Variants in NFIB observed in about 807,000 individuals in gnomAD.
NFIB encodes nuclear factor I B.
NFIB carries 11 observed loss-of-function variants against 61.5 expected under a neutral mutation model. The ratio of observed to expected loss-of-function variants is 0.18; its 90% CI spans 0.11 to 0.30. NFIB has a LOEUF of 0.30. NFIB is among the 10% of genes least tolerant of loss of function. NFIB has a pLI of 1.00. For missense variants in NFIB, 471 were observed against 608.9 expected, an observed-to-expected ratio of 0.77 and a Z score of 2.38; for synonymous variants, 260 against 216.5, an observed-to-expected ratio of 1.20 and a Z score of -1.76.
chr9:14,219,381 T>TAAAAAGAAAA (rs2051352206), intron 2 of NFIB, among the ~76,000 whole-genome samples: 1 of 73,504 alleles, frequency 1.4e-5, no homozygotes, highest in Non-Finnish European at 2.4e-5. Flanking sequence ...AGCACTAGGG[T>TAAAAAGAAAA]AAAAAAAAAA....
chr9:14,283,386 C>A (rs1372886650), intron 2 of NFIB, among the ~76,000 whole-genome samples: 2 of 152,216 alleles, frequency 1.3e-5, no homozygotes, highest in Non-Finnish European at 2.9e-5. Flanking sequence ...AAAATGCAAG[C>A]ATACTAGTGT....
chr9:14,437,177 C>T, the NFIB span, among the ~76,000 whole-genome samples: 1 of 152,218 alleles, frequency 6.6e-6, no homozygotes, highest in South Asian at 2.1e-4. Flanking sequence ...CTTTATGCCT[C>T]TGACATGCCA....
intron 10 of NFIB, among the ~76,000 whole-genome samples, chr9:14,091,110 T>G (rs1326887401): frequency 1.3e-5 from 2 of 151,970 alleles, no homozygotes; most frequent in African/African-American, 4.8e-5. Flanking sequence ...GTCAATACTG[T>G]TTATGAACCT....
intron 2 of NFIB, among the ~76,000 whole-genome samples, chr9:14,199,392 C>T (rs2048780167): frequency 1.3e-5 from 2 of 152,192 alleles, no homozygotes; most frequent in South Asian, 4.1e-4. Context: ...TGGCAACTCA[C>T]AGCCGGCTAC....
chr9:14,095,326 T>A (rs1436556178), intron 10 of NFIB, among the ~76,000 whole-genome samples: 1 of 152,138 alleles, frequency 6.6e-6, no homozygotes, highest in Non-Finnish European at 1.5e-5. Flanking sequence ...CACACATGCA[T>A]ACATATATAA....
At chr9:14,451,714 C>G in the NFIB span, among the ~76,000 whole-genome samples, 1 of 152,120 alleles carries the variant, frequency 6.6e-6, no homozygotes, top group African/African-American at 2.4e-5. Context: ...GGGCTTTAGT[C>G]TCCCATTTAA....
chr9:14,450,499 A>G, the NFIB span, among the ~76,000 whole-genome samples: 2 of 152,276 alleles, frequency 1.3e-5, no homozygotes, highest in African/African-American at 4.8e-5. Context: ...ATAATAGATA[A>G]TTTCAAAAGA....
At chr9:14,187,832 C>T (rs1266503805) in intron 2 of NFIB, among the ~76,000 whole-genome samples, 1 of 152,070 alleles carries the variant, frequency 6.6e-6, no homozygotes, top group East Asian at 1.9e-4. Flanking sequence ...ATCATTCTAC[C>T]ACAGGGGACT....
At chr9:14,220,852 C>CACACACACACAA (rs1399056017) in intron 2 of NFIB, among the ~76,000 whole-genome samples, 33 of 148,900 alleles carry the variant, frequency 2.2e-4, no homozygotes, top group Admixed American at 2.0e-4. Flanking sequence ...TACACACACA[C>CACACACACACAA]ACACACACAC....
At chr9:14,448,165 CAATT>C in the NFIB span, among the ~76,000 whole-genome samples, 3 of 152,152 alleles carry the variant, frequency 2.0e-5, no homozygotes, top group Non-Finnish European at 4.4e-5. Flanking sequence ...AAGTGACTGT[CAATT>C]AAAGCAAAAT....
intron 2 of NFIB, chr9:14,300,359 T>C: frequency 2.5e-6 from 1 of 396,784 alleles, no homozygotes; most frequent in Non-Finnish European, 4.4e-6. Flanking sequence ...GCTGGAAAAT[T>C]TGCTTTGAAC....
At chr9:14,334,871 G>A (rs2060867212) in intron 1 of NFIB, among the ~76,000 whole-genome samples, 1 of 151,934 alleles carries the variant, frequency 6.6e-6, no homozygotes, top group African/African-American at 2.4e-5. Flanking sequence ...TACAACCACT[G>A]ATCTACTTTC....
At chr9:14,162,428 T>C (rs1268730146) in intron 3 of NFIB, among the ~76,000 whole-genome samples, 2 of 152,076 alleles carry the variant, frequency 1.3e-5, no homozygotes, top group African/African-American at 4.8e-5. Flanking sequence ...AATTCGTAGA[T>C]TTAATTATCT....
At chr9:14,285,959 C>T (rs920258934) in intron 2 of NFIB, among the ~76,000 whole-genome samples, 7 of 151,082 alleles carry the variant, frequency 4.6e-5, no homozygotes, top group African/African-American at 1.5e-4. Flanking sequence ...ATGGCAAAAA[C>T]AAGATTTTAG....
intron 2 of NFIB, among the ~76,000 whole-genome samples, chr9:14,259,355 C>G (rs2132218312): frequency 6.6e-6 from 1 of 152,322 alleles, no homozygotes; most frequent in South Asian, 2.1e-4. Context: ...AGAAACTCAT[C>G]ATTATCTCTG....
At chr9:14,251,237 C>A (rs1169387627) in intron 2 of NFIB, among the ~76,000 whole-genome samples, 1 of 152,116 alleles carries the variant, frequency 6.6e-6, no homozygotes, top group Non-Finnish European at 1.5e-5. Context: ...GGAATTAGAA[C>A]CTCCCTCCAA....
At chr9:14,474,420 T>C in the NFIB span, among the ~76,000 whole-genome samples, 1 of 152,208 alleles carries the variant, frequency 6.6e-6, no homozygotes, top group African/African-American at 2.4e-5. Context: ...CTCCAAACAC[T>C]ATCACATTGG....
Position 14,208,386 on chromosome 9 carries a change from CAAG to C in NFIB, c.563-28609_563-28607del, listed in dbSNP as rs529223187. Among the ~76,000 whole-genome samples the C allele has an allele frequency of 5.4e-4, 82 of 152,080 alleles. 1 individual carries two copies. Among genetic ancestry groups the C allele is most frequent in the Non-Finnish European group, 1.0e-3 (69 of 68,018 alleles). Reference sequence around the variant, plus strand: ...ACACCTCATTCCAAATTTGCTAATTCAAGAAGAACTGAATTATTCTCACGTCTA... The same window carrying C: ...ACACCTCATTCCAAATTTGCTAATTCAAGAACTGAATTATTCTCACGTCTA... On this transcript the variant is annotated intron_variant, in intron 2 of 10. Transcript: ENST00000380953.
chr9:14,423,901 A>G, the NFIB span, among the ~76,000 whole-genome samples: 1 of 152,068 alleles, frequency 6.6e-6, no homozygotes, highest in African/African-American at 2.4e-5. Flanking sequence ...TTCCTTAACC[A>G]TGACCCATCA....
Sources: allele counts gnomAD v4.1 joint callset (sites outside exome capture counted in the v4.1 genomes callset), GRCh38; gene constraint gnomAD v4.1.1; transcripts MANE v1.5; gene names NCBI Gene and HGNC (gene_info 2026-07-23, HGNC 2026-07-21).